The following ARHGEF10L variants were observed in gnomAD, a reference collection of about 807,000 sequenced individuals.
ARHGEF10L encodes rho guanine nucleotide exchange factor 10-like protein.
In ARHGEF10L, 69 loss-of-function variants were observed where a neutral mutation model predicts 141.2. The ratio of observed to expected loss-of-function variants is 0.49; its 90% CI spans 0.40 to 0.60. ARHGEF10L has a LOEUF of 0.60. Ranked by LOEUF, ARHGEF10L falls within the 20% of genes least tolerant of loss-of-function variation. ARHGEF10L has a pLI of 0.00. For missense variants in ARHGEF10L, 1,482 were observed against 1,734.3 expected (o/e 0.85, Z 2.58); for synonymous variants, 711 against 718.5 (o/e 0.99, Z 0.17).
At chr1:17,589,117 C>T (rs2079316543) in intron 4 of ARHGEF10L, among the ~76,000 whole-genome samples, 2 of 152,100 alleles carry the variant, frequency 1.3e-5, no homozygotes, top group African/African-American at 4.8e-5. Context: ...CTGTGGCCCC[C>T]ACACTGGCCA....
At chr1:17,689,350 G>T (rs542949591) in intron 27 of ARHGEF10L, among the ~76,000 whole-genome samples, 187 of 151,742 alleles carry the variant, frequency 1.2e-3, no homozygotes, top group African/African-American at 4.4e-3. Flanking sequence ...GCTGTCCTGG[G>T]CCGGCAGGGT....
chr1:17,588,912 T>TGGGG (rs2079289972), intron 4 of ARHGEF10L, among the ~76,000 whole-genome samples: 1 of 3,606 alleles, frequency 2.8e-4, no homozygotes, highest in Non-Finnish European at 4.5e-4. Flanking sequence ...TGGGGGAGGT[T>TGGGG]GGGGGGGTTT....
intron 4 of ARHGEF10L, among the ~76,000 whole-genome samples, chr1:17,588,797 G>A (rs909547384): frequency 4.7e-5 from 7 of 150,028 alleles, no homozygotes; most frequent in Non-Finnish European, 8.9e-5. Context: ...AACAATGAGA[G>A]CACCCCCTCT....
intron 7 of ARHGEF10L, among the ~76,000 whole-genome samples, chr1:17,609,461 G>A (rs917755593): frequency 8.5e-5 from 13 of 152,156 alleles, no homozygotes; most frequent in African/African-American, 2.9e-4. Flanking sequence ...GTTGTGGGAC[G>A]GGATACATTG....
chr1:17,673,060 T>A lies in ARHGEF10L; in HGVS notation c.3009+8465T>A, dbSNP rs748356808. Among the ~76,000 whole-genome samples, 5 of 152,108 alleles carry A rather than the reference T, an allele frequency of 3.3e-5. No individual in the cohort carries two copies. Among genetic ancestry groups the A allele is most frequent in the Admixed American group, 1.3e-4 (2 of 15,286 alleles). On this transcript the variant is annotated intron_variant, in intron 26 of 28. Transcript: ENST00000361221. The surrounding 1 kb of genome is among the most constrained non-coding windows in gnomAD (Gnocchi z 4.1). Reference sequence around the variant, plus strand: ...AGATTTCATGATTTTAAAAAGAAGTTGGTCGCTGATGGCTCAGGGAACAGG... The same window carrying A: ...AGATTTCATGATTTTAAAAAGAAGTAGGTCGCTGATGGCTCAGGGAACAGG...
chr1:17,549,305 G>C (rs914140174), intron 1 of ARHGEF10L, among the ~76,000 whole-genome samples: 1 of 152,218 alleles, frequency 6.6e-6, no homozygotes, highest in African/African-American at 2.4e-5. Context: ...TTACAGGTGT[G>C]AGCCACGGTG....
intron 26 of ARHGEF10L, among the ~76,000 whole-genome samples, chr1:17,670,083 A>G (rs1571414860): frequency 6.6e-6 from 1 of 152,382 alleles, no homozygotes. Flanking sequence ...TCTGGCCAGA[A>G]GAAAGCACCG....
intron 26 of ARHGEF10L, among the ~76,000 whole-genome samples, chr1:17,674,043 C>T (rs767177916): frequency 2.9e-4 from 44 of 152,250 alleles, no homozygotes; most frequent in African/African-American, 8.9e-4. Flanking sequence ...TGCGTATGTC[C>T]GCACCATCCT....
chr1:17,663,517 G>A (rs1367271019), intron 25 of ARHGEF10L, among the ~76,000 whole-genome samples: 1 of 150,270 alleles, frequency 6.7e-6, no homozygotes, highest in African/African-American at 2.5e-5. Flanking sequence ...CTATGCCACT[G>A]CAATCCAGCC....
chr1:17,660,794 C>A (rs1468496428), intron 25 of ARHGEF10L, among the ~76,000 whole-genome samples: 1 of 152,118 alleles, frequency 6.6e-6, no homozygotes. Context: ...CAGGCTTGTG[C>A]GTGTGGGTCT....
intron 26 of ARHGEF10L, among the ~76,000 whole-genome samples, chr1:17,682,848 A>G (rs987154023): frequency 1.6e-4 from 25 of 152,244 alleles, no homozygotes; most frequent in Admixed American, 2.6e-4. Flanking sequence ...CAGACCAGCC[A>G]AGGATGAGGG....
chr1:17,651,334 G>A (rs2061922806), intron 22 of ARHGEF10L, among the ~76,000 whole-genome samples: 1 of 152,224 alleles, frequency 6.6e-6, no homozygotes. Flanking sequence ...CAGATGGGGG[G>A]TTACCTGTGG....
chr1:17,570,042 A>T (rs1314690206), intron 1 of ARHGEF10L, among the ~76,000 whole-genome samples: 2 of 152,074 alleles, frequency 1.3e-5, no homozygotes, highest in African/African-American at 4.8e-5. Context: ...TCCTGGGTGC[A>T]GGCTGGTTTC....
At chr1:17,666,432 G>A (rs1317709932) in intron 26 of ARHGEF10L, among the ~76,000 whole-genome samples, 1 of 152,114 alleles carries the variant, frequency 6.6e-6, no homozygotes, top group Non-Finnish European at 1.5e-5. Context: ...TTGCTCTTTT[G>A]AGGAGCAGGG....
intron 26 of ARHGEF10L, among the ~76,000 whole-genome samples, chr1:17,683,177 G>C (rs908543622): frequency 7.2e-6 from 1 of 137,982 alleles, no homozygotes; most frequent in Non-Finnish European, 1.6e-5. Flanking sequence ...TCACCGTGGT[G>C]CTCACTGCCC....
rs954550243 is a variant in ARHGEF10L at position 17,562,489 on chromosome 1, C to T, written c.-43-18064C>T. Among the ~76,000 whole-genome samples, 8 of 152,218 alleles carry T rather than the reference C, an allele frequency of 5.3e-5. No individual in the cohort carries two copies. In the East Asian group the frequency reaches 7.7e-4, roughly 15 times the overall value. ...CCACCTCATAGCGTTGTGAGGATCA[C>T]GTGAAATAACACATAAAGCACTGCA... On this transcript the variant is annotated intron_variant, in intron 1 of 28. Transcript: ENST00000361221.
At position 17,684,855 on chromosome 1, in the gene ARHGEF10L, A is replaced by C. The variant is rs112299776; in HGVS notation, c.3010-2718A>C. ...TCCCCTCCCCTCCCCTCCTCTGGGG[A>C]GCCTGGCCTTTCCTGCTACCCCTGC... On this transcript the variant is annotated intron_variant, in intron 26 of 28. Coordinates refer to ENST00000361221, the MANE Select transcript of ARHGEF10L (RefSeq NM_018125.4). 8.3e-3 allele frequency among the ~76,000 whole-genome samples: 1,258 copies of C among 151,912 alleles called. 25 individuals carry two copies. Among genetic ancestry groups the C allele is most frequent in the African/African-American group, 0.029 (1,221 of 41,426 alleles).
intron 26 of ARHGEF10L, among the ~76,000 whole-genome samples, chr1:17,679,699 C>G (rs113794258): frequency 6.6e-6 from 1 of 152,206 alleles, no homozygotes; most frequent in Non-Finnish European, 1.5e-5. Flanking sequence ...TCAGTGCAGC[C>G]GTGCAGAGCG....
Position 17,664,599 on chromosome 1 carries a change from C to T in ARHGEF10L, c.3009+4C>T, listed in dbSNP as rs759314309. On this transcript the variant is annotated splice_donor_region_variant and intron_variant, in intron 26 of 28. Coordinates refer to ENST00000361221, the MANE Select transcript of ARHGEF10L (RefSeq NM_018125.4). Reference sequence around the variant, plus strand: ...AGCCACCACCCTGCAGCCTCAGGTACTGCACTATCCTTTGGCTTGTGGCCC... The same window carrying T: ...AGCCACCACCCTGCAGCCTCAGGTATTGCACTATCCTTTGGCTTGTGGCCC... 3.2e-6 allele frequency: 5 copies of T among 1,552,660 alleles called. No homozygotes were observed. Among genetic ancestry groups the T allele is most frequent in the Non-Finnish European group, 4.3e-6 (5 of 1,151,480 alleles).
Sources: gnomAD v4.1 joint callset for allele counts (sites outside exome capture counted in the v4.1 genomes callset) on GRCh38, gnomAD v4.1.1 for gene constraint, Gnocchi (gnomAD v3.1) non-coding constraint, MANE v1.5 for transcripts, NCBI Gene and HGNC (gene_info 2026-07-23, HGNC 2026-07-21) for gene names.